AGMO: variants seen among roughly 807,000 people sequenced by gnomAD.
AGMO encodes glyceryl-ether monooxygenase.
A neutral mutation model predicts 60.2 loss-of-function variants in AGMO; 75 were observed. The observed-to-expected ratio is 1.25, with a 90% CI of 1.03 to 1.51. AGMO has a LOEUF of 1.51. Among genes scored for constraint, AGMO ranks in the 40% most tolerant of loss-of-function variants. AGMO has a pLI of 0.00. For missense variants in AGMO, 763 were observed against 525.5 expected (o/e 1.45, Z -4.42); for synonymous variants, 261 against 177.1 (o/e 1.47, Z -3.76).
At chr7:15,270,573 T>G (rs545015463) in intron 12 of AGMO, among the ~76,000 whole-genome samples, 1 of 143,222 alleles carries the variant, frequency 7.0e-6, no homozygotes, top group Non-Finnish European at 1.5e-5. Context: ...TTTTGTAGAT[T>G]AAACAAATTT....
chr7:15,386,193 G>C (rs75300350), intron 9 of AGMO, among the ~76,000 whole-genome samples: 3 of 69,868 alleles, frequency 4.3e-5, no homozygotes, highest in Admixed American at 1.1e-4. Context: ...GAAAAGAAAA[G>C]AAAAAAAAGG....
At chr7:15,540,591 G>T (rs777174210) in intron 3 of AGMO, among the ~76,000 whole-genome samples, 3 of 152,140 alleles carry the variant, frequency 2.0e-5, no homozygotes, top group Admixed American at 6.5e-5. Context: ...GACAATAGAA[G>T]GAAGGGCAAA....
the AGMO span, among the ~76,000 whole-genome samples, chr7:15,187,661 G>A: frequency 6.6e-6 from 1 of 152,094 alleles, no homozygotes; most frequent in African/African-American, 2.4e-5. Flanking sequence ...ATGTGTGAGT[G>A]TGTGTGGGTC....
chr7:15,207,287 T>C (rs1464461436), intron 12 of AGMO, among the ~76,000 whole-genome samples: 2 of 152,200 alleles, frequency 1.3e-5, no homozygotes, highest in Non-Finnish European at 2.9e-5. Context: ...AAAGTGAAAA[T>C]AGATGCTACC....
At chr7:15,181,811 T>TG in the AGMO span, among the ~76,000 whole-genome samples, 2 of 152,180 alleles carry the variant, frequency 1.3e-5, no homozygotes, top group African/African-American at 4.8e-5. Flanking sequence ...CTGCATTGAT[T>TG]GATAGTGGGT....
In AGMO at chr7:15,430,974, T is replaced by G. The variant is rs1387113840; in HGVS notation, c.513+31A>C. The G allele has an allele frequency of 2.5e-6, 3 of 1,219,526 alleles. No individual in the cohort carries two copies. In the African/African-American group the frequency reaches 4.7e-5, roughly 19 times the overall value. 75.5% of individuals were successfully genotyped at this position (1,219,526 alleles called of 1,614,324 possible). ...GCTGAGACTTAAAAACAAATTAGAT[T>G]ACCATGTTTATTCCATTTCATACAA... On this transcript the variant is annotated intron_variant, in intron 4 of 12. Transcript: ENST00000342526.
At chr7:15,288,851 T>G (rs1349834498) in intron 12 of AGMO, among the ~76,000 whole-genome samples, 1 of 141,678 alleles carries the variant, frequency 7.1e-6, no homozygotes, top group African/African-American at 2.6e-5. Flanking sequence ...AAATAAAAAA[T>G]AAAAAAAAAA....
At position 15,257,539 on chromosome 7, in the gene AGMO, A is replaced by G. The variant is rs149984032; in HGVS notation, c.1264-56180T>C. 1.8e-3 allele frequency among the ~76,000 whole-genome samples: 271 copies of G among 152,350 alleles called. 1 individual carries two copies. Among genetic ancestry groups the G allele is most frequent in the African/African-American group, 6.1e-3 (253 of 41,582 alleles). On this transcript the variant is annotated intron_variant, in intron 12 of 12. Coordinates refer to ENST00000342526, the MANE Select transcript of AGMO (RefSeq NM_001004320.2). ...AATATAAAAAAAGATAAACTTCTAC[A>G]TAAGTGAGGAGATTCTTTTGCAATT...
intron 12 of AGMO, among the ~76,000 whole-genome samples, chr7:15,365,170 CAG>C (rs1364576128): frequency 1.3e-5 from 2 of 151,812 alleles, no homozygotes; most frequent in East Asian, 3.9e-4. Flanking sequence ...TCTCAAACGG[CAG>C]AGTCTCTGCC....
intron 12 of AGMO, among the ~76,000 whole-genome samples, chr7:15,277,162 G>C (rs961173473): frequency 2.0e-5 from 3 of 151,914 alleles, no homozygotes; most frequent in South Asian, 2.1e-4. Flanking sequence ...ACAACAATTA[G>C]GTGGGCATGG....
chr7:15,460,091 T>C lies in AGMO; in HGVS notation c.410-28983A>G, dbSNP rs535995198. On this transcript the variant is annotated intron_variant, in intron 3 of 12. Coordinates refer to ENST00000342526, the MANE Select transcript of AGMO (RefSeq NM_001004320.2). ...GATGCACAAAGTTTCAAAGTAATTA[T>C]TTACCCAATTTCCCCTTTTTTTTTT... 8.9e-5 allele frequency among the ~76,000 whole-genome samples: 13 copies of C among 146,590 alleles called. No homozygotes were observed. The South Asian group carries it at 2.4e-3, about 27-fold the overall frequency.
intron 10 of AGMO, 87 bp downstream of exon 10, chr7:15,385,359 G>C: frequency 2.2e-6 from 2 of 893,542 alleles, no homozygotes; most frequent in Non-Finnish European, 3.6e-6. Context: ...GAGAATATAT[G>C]ACAGCCTTAA....
intron 3 of AGMO, among the ~76,000 whole-genome samples, chr7:15,521,649 C>G (rs1270144501): frequency 1.3e-5 from 2 of 152,142 alleles, no homozygotes; most frequent in African/African-American, 4.8e-5. Context: ...ATTCAACACC[C>G]CTTCATGTTA....
intron 9 of AGMO, among the ~76,000 whole-genome samples, chr7:15,386,698 C>A (rs538310640): frequency 5.7e-4 from 86 of 152,188 alleles, no homozygotes; most frequent in African/African-American, 1.7e-3. Flanking sequence ...TAGTATCATC[C>A]TTGAAATTAA....
intron 2 of AGMO, among the ~76,000 whole-genome samples, chr7:15,558,472 C>T (rs1403076012): frequency 1.3e-5 from 2 of 152,134 alleles, no homozygotes; most frequent in Middle Eastern, 6.8e-3. Context: ...ACTAAATCTA[C>T]ATCTAAATCT....
chr7:15,558,944 G>A lies in AGMO; in HGVS notation c.257+1197C>T, dbSNP rs549183767. ...TCTTAAAACAGGACAAGAAGAAATG[G>A]GTGGGAAGCTGGAATGAGAACATTC... On this transcript the variant is annotated intron_variant, in intron 2 of 12. Coordinates refer to ENST00000342526, the MANE Select transcript of AGMO (RefSeq NM_001004320.2). Among the ~76,000 whole-genome samples the A allele has an allele frequency of 1.6e-3, 251 of 152,128 alleles. 1 individual carries two copies. The highest frequency in any genetic ancestry group is 5.8e-3 in the African/African-American group (242 of 41,508).
chr7:15,164,183 TG>T, the AGMO span, among the ~76,000 whole-genome samples: 1 of 151,862 alleles, frequency 6.6e-6, no homozygotes, highest in African/African-American at 2.4e-5. Flanking sequence ...GCTGGGAAAA[TG>T]GGATAGTCAT....
chr7:15,490,408 C>T (rs187635391), intron 3 of AGMO, among the ~76,000 whole-genome samples: 4 of 151,742 alleles, frequency 2.6e-5, no homozygotes, highest in Non-Finnish European at 5.9e-5. Context: ...AGTTCTTTCA[C>T]AGAGATCATT....
At chr7:15,270,082 G>C (rs1034628794) in intron 12 of AGMO, among the ~76,000 whole-genome samples, 3 of 151,934 alleles carry the variant, frequency 2.0e-5, no homozygotes, top group African/African-American at 7.2e-5. Flanking sequence ...ATAAATGCAG[G>C]TGTCTTTCTG....
Sources: allele counts gnomAD v4.1 joint callset (sites outside exome capture counted in the v4.1 genomes callset), GRCh38; gene constraint gnomAD v4.1.1; transcripts MANE v1.5; gene names NCBI Gene and HGNC (gene_info 2026-07-23, HGNC 2026-07-21).